Variants in MAMLD1 observed in about 807,000 individuals in gnomAD.
MAMLD1 encodes mastermind like domain containing 1.
MAMLD1 carries 14 observed loss-of-function variants against 45.0 expected under a neutral mutation model. The ratio of observed to expected loss-of-function variants is 0.31; its 90% CI spans 0.21 to 0.49. The LOEUF is 0.49. Among genes scored for constraint, MAMLD1 ranks in the 20% least tolerant of loss-of-function variants. The pLI is 0.99. For synonymous variants in MAMLD1, 254 were observed against 247.8 expected (o/e 1.02, Z -0.24); for missense variants, 543 against 603.6 (o/e 0.90, Z 1.05).
At chrX:150,488,344 G>T (rs1296206840) in intron 5 of MAMLD1, among the ~76,000 whole-genome samples, 1 of 112,596 alleles carries the variant, frequency 8.9e-6, no homozygotes, top group Non-Finnish European at 1.9e-5. Flanking sequence ...TTTTTCCCCT[G>T]AGAAAGTGGG....
At chrX:150,447,354 T>C (rs1426258471) in intron 2 of MAMLD1, among the ~76,000 whole-genome samples, 2 of 112,108 alleles carry the variant, frequency 1.8e-5, no homozygotes, top group African/African-American at 3.3e-5. Context: ...CAAGCTGTCC[T>C]AGAAGACCAA....
chrX:150,491,188 C>A (rs782097659), intron 5 of MAMLD1, among the ~76,000 whole-genome samples: 1 of 111,547 alleles, frequency 9.0e-6, no homozygotes, highest in Non-Finnish European at 1.9e-5. Context: ...CGTTGTTATT[C>A]CCCCTCCTTT....
intron 1 of MAMLD1, among the ~76,000 whole-genome samples, chrX:150,387,703 G>A (rs1030822072): frequency 8.1e-5 from 9 of 111,706 alleles, no homozygotes; most frequent in South Asian, 3.8e-4. Flanking sequence ...GGATGTTCTC[G>A]TTTGTTCCTA....
intron 1 of MAMLD1, among the ~76,000 whole-genome samples, chrX:150,425,789 C>T (rs1031102606): frequency 5.4e-5 from 6 of 112,106 alleles, no homozygotes; most frequent in African/African-American, 1.9e-4. Flanking sequence ...TGCCAAGGAC[C>T]TGGGGAACAC....
chrX:150,371,199 T>G (rs973410721), intron 1 of MAMLD1, among the ~76,000 whole-genome samples: 2 of 111,279 alleles, frequency 1.8e-5, no homozygotes, highest in Non-Finnish European at 3.8e-5. Flanking sequence ...GGTGGGCAGG[T>G]GGGGTAAGCT....
chrX:150,470,622 C>A lies in MAMLD1; in HGVS notation c.1049C>A (p.Pro350Gln). 1 of 1,211,914 alleles carries A rather than the reference C, an allele frequency of 8.3e-7. No individual in the cohort carries two copies. Among genetic ancestry groups the A allele is most frequent in the Non-Finnish European group, 1.1e-6 (1 of 895,467 alleles). The change falls in exon 4 of 8, where the codon CCG (proline) becomes CAG (glutamine). Residue 350 changes from proline to glutamine, a missense_variant. Pro to Gln is a moderately conservative substitution (Grantham distance 76). Coordinates refer to ENST00000370401, the MANE Select transcript of MAMLD1 (RefSeq NM_005491.5). ...YRPVPSPHPP[P>Q]LPLPPPPPPF... ...CCAGTGCCATCACCACACCCACCAC[C>A]GCTGCCACTGCCACCACCACCACCC...
intron 1 of MAMLD1, among the ~76,000 whole-genome samples, chrX:150,394,206 G>T (rs1397844825): frequency 1.5e-5 from 1 of 66,633 alleles, no homozygotes; most frequent in Non-Finnish European, 2.6e-5. Flanking sequence ...GACTATCTTT[G>T]CTCCATTTTA....
intron 1 of MAMLD1, among the ~76,000 whole-genome samples, chrX:150,388,356 C>T (rs2033024314): frequency 9.0e-6 from 1 of 111,616 alleles, no homozygotes; most frequent in South Asian, 3.7e-4. Context: ...GTAATACTAA[C>T]TTCATAAAAT....
intron 1 of MAMLD1, among the ~76,000 whole-genome samples, chrX:150,379,078 C>T (rs1372125643): frequency 1.8e-5 from 2 of 112,108 alleles, no homozygotes; most frequent in Non-Finnish European, 3.8e-5. Context: ...TATATCTATT[C>T]CTTTTTATTT....
At chrX:150,509,774 A>T (rs1251136074) in intron 6 of MAMLD1, 188 bp from the exon 7 acceptor site, 15 of 443,979 alleles carry the variant, frequency 3.4e-5, no homozygotes, top group Non-Finnish European at 5.2e-5. Flanking sequence ...CAGGTGCAGA[A>T]TCTTACTTTA....
rs1209313914 is a variant in MAMLD1, at chrX:150,512,629, G to GCAGAGCCCGGTA, written c.*674_*685dup. On this transcript the variant is annotated 3_prime_UTR_variant, in exon 8 of 8. Coordinates refer to ENST00000370401, the MANE Select transcript of MAMLD1 (RefSeq NM_005491.5). ...GCCTGCTGGGCAGCCAGAGCCTCAG[G>GCAGAGCCCGGTA]CAGAGCCCGGTACAGGGCCCGGTGC... 1.7e-6 allele frequency: 2 copies of GCAGAGCCCGGTA among 1,149,844 alleles called. No individual in the cohort carries two copies. Among genetic ancestry groups the GCAGAGCCCGGTA allele is most frequent in the East Asian group, 6.5e-5 (2 of 30,659 alleles). 94.8% of individuals were successfully genotyped at this position (1,149,844 alleles called of 1,213,427 possible).
chrX:150,437,920 G>T (rs1410463999), intron 1 of MAMLD1, among the ~76,000 whole-genome samples: 1 of 110,573 alleles, frequency 9.0e-6, no homozygotes, highest in Non-Finnish European at 1.9e-5. Context: ...CTATAGTTTT[G>T]TTATTTTAAG....
intron 1 of MAMLD1, among the ~76,000 whole-genome samples, chrX:150,412,057 G>A (rs2034136468): frequency 8.9e-6 from 1 of 112,191 alleles, no homozygotes; most frequent in African/African-American, 3.2e-5. Flanking sequence ...TGGGGATACA[G>A]ATTTTCATAG....
At chrX:150,434,320 GTCTA>G (rs781846372) in intron 1 of MAMLD1, among the ~76,000 whole-genome samples, 13 of 109,872 alleles carry the variant, frequency 1.2e-4, no homozygotes, top group East Asian at 1.1e-3. Flanking sequence ...CTATCTAGTG[GTCTA>G]TCTGTCTTAT....
At chrX:150,410,364 G>A (rs1443904955) in intron 1 of MAMLD1, among the ~76,000 whole-genome samples, 1 of 112,390 alleles carries the variant, frequency 8.9e-6, no homozygotes, top group Non-Finnish European at 1.9e-5. Context: ...GCCACAAGGG[G>A]GAATTCTTGC....
chrX:150,399,834 G>A (rs782640539), intron 1 of MAMLD1, among the ~76,000 whole-genome samples: 13 of 112,137 alleles, frequency 1.2e-4, no homozygotes, highest in Non-Finnish European at 2.3e-4. Flanking sequence ...ATGGTCATTT[G>A]TTATGGCAGC....
At chrX:150,483,517 C>T (rs782686683) in intron 5 of MAMLD1, among the ~76,000 whole-genome samples, 12 of 112,791 alleles carry the variant, frequency 1.1e-4, no homozygotes, top group South Asian at 7.3e-4. Flanking sequence ...TATTGATAGA[C>T]ACTCTCAGTC....
At position 150,499,873 on chromosome X, in the gene MAMLD1, G is replaced by A. The variant is rs782762962; in HGVS notation, c.2041-3401G>A. On this transcript the variant is annotated intron_variant, in intron 5 of 7. Coordinates refer to ENST00000370401, the MANE Select transcript of MAMLD1 (RefSeq NM_005491.5). ...ACTGATGGGTTTTATAAACCCACCA[G>A]CATTGAAAAGAGATGAGTAGATGTG... Among the ~76,000 whole-genome samples the A allele has an allele frequency of 6.3e-5, 7 of 111,708 alleles. No homozygotes were observed. In the East Asian group the frequency reaches 1.4e-3, roughly 22 times the overall value.
At chrX:150,440,633 G>A (rs2035268621) in intron 1 of MAMLD1, among the ~76,000 whole-genome samples, 1 of 109,140 alleles carries the variant, frequency 9.2e-6, no homozygotes, top group Admixed American at 1.0e-4. Context: ...AAATTTATAT[G>A]TGTATTCATA....
Sources: gnomAD v4.1 joint callset for allele counts (sites outside exome capture counted in the v4.1 genomes callset) on GRCh38, gnomAD v4.1.1 for gene constraint, MANE v1.5 for transcripts, NCBI Gene and HGNC (gene_info 2026-07-23, HGNC 2026-07-21) for gene names.